Variants in CLCN3 observed in about 807,000 individuals in gnomAD.
The protein encoded by CLCN3 is H(+)/Cl(-) exchange transporter 3.
CLCN3 carries 16 observed loss-of-function variants against 83.4 expected under a neutral mutation model. The ratio of observed to expected loss-of-function variants is 0.19; its 90% CI spans 0.13 to 0.29. The LOEUF is 0.29. Among genes scored for constraint, CLCN3 ranks in the 10% least tolerant of loss-of-function variants. The pLI is 1.00. For missense variants in CLCN3, 544 were observed against 1,006.0 expected, an observed-to-expected ratio of 0.54 and a Z score of 6.21; for synonymous variants, 322 against 346.2, an observed-to-expected ratio of 0.93 and a Z score of 0.78.
intron 7 of CLCN3, among the ~76,000 whole-genome samples, chr4:169,693,481 GCTAA>G (rs1732448199): frequency 1.3e-5 from 2 of 152,286 alleles, no homozygotes. Context: ...GCTGAAAACA[GCTAA>G]CTAACTTGCC....
intron 3 of CLCN3, among the ~76,000 whole-genome samples, chr4:169,683,827 T>G (rs1342975013): frequency 6.6e-6 from 1 of 151,802 alleles, no homozygotes; most frequent in African/African-American, 2.4e-5. Context: ...CCCTGCAACC[T>G]CTGCCTTCCA....
Position 169,620,793 on chromosome 4 carries a change from G to C in CLCN3, c.-287G>C, listed in dbSNP as rs1773092596. 3 of 398,528 alleles carry C rather than the reference G, an allele frequency of 7.5e-6. No individual in the cohort carries two copies. Among genetic ancestry groups the C allele is most frequent in the Non-Finnish European group, 1.3e-5 (3 of 226,104 alleles). The allele number at this position is 398,528 out of a possible 1,614,324, so 24.7% of individuals were successfully genotyped here. A position where few individuals can be genotyped will look rare whatever the true frequency, so the allele number is the denominator to read the frequency against. ...TTATTTTTAATTTTGGGCAGAAGCAGGTTGACTCTAGGGATCTCCAGAGCG... is the reference window on the plus strand; with the variant it reads ...TTATTTTTAATTTTGGGCAGAAGCACGTTGACTCTAGGGATCTCCAGAGCG... On this transcript the variant is annotated 5_prime_UTR_variant, in exon 1 of 13. Transcript: ENST00000513761.
chr4:169,704,299 C>A (rs1423910929), intron 10 of CLCN3, 115 bp downstream of exon 10: 3 of 849,654 alleles, frequency 3.5e-6, no homozygotes, highest in Non-Finnish European at 5.5e-6. Flanking sequence ...AAGGAGGGTG[C>A]CAGGAGGAGA....
chr4:169,631,920 G>C (rs1035392960), intron 1 of CLCN3, among the ~76,000 whole-genome samples: 7 of 152,052 alleles, frequency 4.6e-5, no homozygotes, highest in Admixed American at 2.6e-4. Flanking sequence ...AAATGGAATC[G>C]GTAATAAAAA....
At chr4:169,692,430 A>G (rs938971373) in intron 7 of CLCN3, 110 bp downstream of exon 7, 33 of 466,160 alleles carry the variant, frequency 7.1e-5, no homozygotes, top group African/African-American at 4.7e-4. Flanking sequence ...CAGATAAAAA[A>G]TTTTGAGATT....
chr4:169,694,100 GA>G (rs927359604), intron 7 of CLCN3, among the ~76,000 whole-genome samples: 16 of 147,460 alleles, frequency 1.1e-4, no homozygotes, highest in African/African-American at 3.2e-4. Context: ...CTTAGTGGAG[GA>G]AAAAAAAAAG....
chr4:169,687,805 A>T (rs374738153), intron 4 of CLCN3, 48 bp downstream of exon 4: 20 of 1,047,750 alleles, frequency 1.9e-5, no homozygotes, highest in Non-Finnish European at 2.8e-6. Context: ...CAGAAGTATA[A>T]ACTGTTCTTC....
rs1165415116 is a variant in CLCN3, at chr4:169,707,599, A to C, written c.2149+333A>C. Among the ~76,000 whole-genome samples, 3 of 152,230 alleles carry C rather than the reference A, an allele frequency of 2.0e-5. No homozygotes were observed. In the South Asian group the frequency reaches 6.2e-4, roughly 32 times the overall value. On this transcript the variant is annotated intron_variant, in intron 11 of 12. Coordinates refer to ENST00000513761, the MANE Select transcript of CLCN3 (RefSeq NM_001829.4). ...TATAAGACCTTAGCTAAATGCATTC[A>C]GTCAAATACATTCTTGTATTTAATA...
chr4:169,674,329 T>C (rs1435145570), intron 2 of CLCN3, among the ~76,000 whole-genome samples: 1 of 152,202 alleles, frequency 6.6e-6, no homozygotes, highest in Non-Finnish European at 1.5e-5. Context: ...AGAAGTACTG[T>C]ATATCTTACC....
intron 4 of CLCN3, 22 bp downstream of exon 4, chr4:169,687,779 A>T: frequency 1.5e-6 from 2 of 1,376,726 alleles, no homozygotes; most frequent in Non-Finnish European, 2.0e-6. Flanking sequence ...TTTTCAAGCA[A>T]TCCTTTTTTA....
intron 11 of CLCN3, among the ~76,000 whole-genome samples, chr4:169,710,216 A>G (rs968696947): frequency 3.3e-5 from 5 of 152,130 alleles, no homozygotes; most frequent in African/African-American, 1.2e-4. Flanking sequence ...TGTGGGGAGA[A>G]TATCTAAAAT....
intron 1 of CLCN3, among the ~76,000 whole-genome samples, chr4:169,625,099 C>T (rs1773199551): frequency 6.6e-6 from 1 of 152,208 alleles, no homozygotes; most frequent in African/African-American, 2.4e-5. Flanking sequence ...CCTCTTTTCA[C>T]GTTTCAATCT....
At chr4:169,684,566 G>A (rs577877833) in intron 3 of CLCN3, among the ~76,000 whole-genome samples, 5 of 152,020 alleles carry the variant, frequency 3.3e-5, no homozygotes, top group African/African-American at 9.7e-5. Flanking sequence ...CTGATTCATC[G>A]TAGACATTTC....
intron 2 of CLCN3, among the ~76,000 whole-genome samples, chr4:169,668,455 G>C (rs1207830601): frequency 6.6e-6 from 1 of 152,136 alleles, no homozygotes; most frequent in African/African-American, 2.4e-5. Context: ...TACTCTAGTA[G>C]AAGTGGGTAA....
chr4:169,707,325 G>C, intron 11 of CLCN3, 59 bp downstream of exon 11: 1 of 1,286,898 alleles, frequency 7.8e-7, no homozygotes, highest in African/African-American at 1.5e-5. Context: ...AGAAAGGAAA[G>C]CAATAAGCAG....
At chr4:169,655,668 T>A (rs1730860592) in intron 2 of CLCN3, among the ~76,000 whole-genome samples, 1 of 152,144 alleles carries the variant, frequency 6.6e-6, no homozygotes, top group African/African-American at 2.4e-5. Context: ...CTCATTTTTA[T>A]AAATTTTTTG....
Position 169,625,584 on chromosome 4 carries a change from C to G in CLCN3, c.-17+4521C>G, listed in dbSNP as rs552946214. On this transcript the variant is annotated intron_variant, in intron 1 of 12. Transcript: ENST00000513761. ...TGACCTGGAATAGAAACTAAAGCCT[C>G]GACATATAATCCTAAAGTTGGAAAG... 1.8e-4 allele frequency among the ~76,000 whole-genome samples: 28 copies of G among 152,206 alleles called. No individual in the cohort carries two copies. The South Asian group carries it at 3.3e-3, about 18-fold the overall frequency.
Position 169,689,245 on chromosome 4 carries a change from G to A in CLCN3, c.606+15G>A, listed in dbSNP as rs766832187. The stretch of plus-strand genomic sequence containing the variant: ...GTCAAGCAGAGGTAAGTCTTGCTTT[G>A]TCTCAAGATGAATTAATAATTGATA... On this transcript the variant is annotated intron_variant, in intron 5 of 12. Transcript: ENST00000513761. 1 of 1,591,480 alleles carries A rather than the reference G, an allele frequency of 6.3e-7. No homozygotes were observed. Among genetic ancestry groups the A allele is most frequent in the Non-Finnish European group, 8.6e-7 (1 of 1,166,596 alleles).
At chr4:169,655,819 CTG>C (rs1730866183) in intron 2 of CLCN3, among the ~76,000 whole-genome samples, 1 of 152,126 alleles carries the variant, frequency 6.6e-6, no homozygotes, top group Non-Finnish European at 1.5e-5. Flanking sequence ...TGTGTGATGT[CTG>C]TGAAAGCAAA....
Sources: allele counts gnomAD v4.1 joint callset (sites outside exome capture counted in the v4.1 genomes callset), GRCh38; gene constraint gnomAD v4.1.1; transcripts MANE v1.5; gene names NCBI Gene and HGNC (gene_info 2026-07-23, HGNC 2026-07-21).